The following LRMDA variants were observed in gnomAD, a reference collection of about 807,000 sequenced individuals.
LRMDA encodes the protein leucine-rich melanocyte differentiation-associated protein.
Under a neutral mutation model 29.8 loss-of-function variants are expected in LRMDA, and 18 were observed. That is an observed-to-expected ratio of 0.60 (90% confidence interval 0.42 to 0.90). The LOEUF (loss-of-function observed/expected upper bound fraction) is 0.90, where lower values mean the gene tolerates loss of function less well. LRMDA is among the 40% of genes least tolerant of loss of function. The pLI is 0.00. For synonymous variants in LRMDA, 125 were observed against 109.4 expected (o/e 1.14, Z -0.89); for missense variants, 273 against 273.9 (o/e 1.00, Z 0.02).
intron 6 of LRMDA, among the ~76,000 whole-genome samples, chr10:76,471,277 A>G (rs1253694082): frequency 3.3e-5 from 5 of 151,800 alleles, no homozygotes; most frequent in African/African-American, 1.2e-4. Context: ...ATATTTAAAT[A>G]TAATGTGTAT....
chr10:76,552,109 A>ATAAT (rs1269535166), intron 6 of LRMDA, among the ~76,000 whole-genome samples: 1 of 152,266 alleles, frequency 6.6e-6, no homozygotes, highest in African/African-American at 2.4e-5. Context: ...AACAATAGTG[A>ATAAT]TAATTATTCT....
intron 2 of LRMDA, among the ~76,000 whole-genome samples, chr10:75,818,790 A>G (rs925799373): frequency 1.3e-5 from 2 of 152,196 alleles, no homozygotes; most frequent in African/African-American, 2.4e-5. Context: ...CTTTTAAGAT[A>G]CTGGCTGCTG....
chr10:75,837,551 A>G (rs779559114), intron 2 of LRMDA, among the ~76,000 whole-genome samples: 3 of 152,192 alleles, frequency 2.0e-5, no homozygotes, highest in Non-Finnish European at 4.4e-5. Context: ...GTCTTCAACC[A>G]AGCTTAGGAC....
chr10:76,292,936 C>A (rs751776446), intron 5 of LRMDA, among the ~76,000 whole-genome samples: 1 of 152,178 alleles, frequency 6.6e-6, no homozygotes, highest in Non-Finnish European at 1.5e-5. Context: ...GCTGTGCTTG[C>A]AAATTTGCAA....
At chr10:75,775,534 T>C (rs531587676) in intron 2 of LRMDA, among the ~76,000 whole-genome samples, 11 of 152,374 alleles carry the variant, frequency 7.2e-5, no homozygotes, top group Admixed American at 2.0e-4. Flanking sequence ...GTCAACATAA[T>C]GGGTCATGAT....
rs960798421 is a variant in LRMDA at position 75,818,270 on chromosome 10, G to T, written c.132-217738G>T. Among the ~76,000 whole-genome samples, 3 of 152,124 alleles carry T rather than the reference G, an allele frequency of 2.0e-5. No homozygotes were observed. In the East Asian group the frequency reaches 5.8e-4, roughly 29 times the overall value. On this transcript the variant is annotated intron_variant, in intron 2 of 6. Coordinates refer to ENST00000611255, the MANE Select transcript of LRMDA (RefSeq NM_001305581.2). ...AGAGTTGTGGGGTCAGCCACTAGTG[G>T]TATTGCTCCCAGCCAGCTCTTGCAG...
At chr10:75,438,982 T>C (rs1390258251) in intron 2 of LRMDA, among the ~76,000 whole-genome samples, 1 of 152,206 alleles carries the variant, frequency 6.6e-6, no homozygotes, top group Non-Finnish European at 1.5e-5. Context: ...GAGCTTTAAA[T>C]ATTTGTGATG....
At chr10:76,395,340 T>C (rs1369504689) in intron 6 of LRMDA, among the ~76,000 whole-genome samples, 2 of 152,232 alleles carry the variant, frequency 1.3e-5, no homozygotes, top group African/African-American at 4.8e-5. Context: ...CATCTTTGGA[T>C]TCATAGCCCA....
chr10:76,505,736 C>A (rs1047558889), intron 6 of LRMDA, among the ~76,000 whole-genome samples: 3 of 152,080 alleles, frequency 2.0e-5, no homozygotes, highest in African/African-American at 4.8e-5. Context: ...TCCTTGCCAT[C>A]CACAATGAAT....
At chr10:75,857,666 A>T (rs1844851087) in intron 2 of LRMDA, among the ~76,000 whole-genome samples, 1 of 152,244 alleles carries the variant, frequency 6.6e-6, no homozygotes. Flanking sequence ...GGGGATAGAG[A>T]TCATAGAATT....
In LRMDA at chr10:76,338,185, C is replaced by T. The variant is rs575190381; in HGVS notation, c.601+13700C>T. ...GCAAGATCACAGCCCAAAACAAATG[C>T]AACAGAGTTTCAAAATGCAGAACCA... On this transcript the variant is annotated intron_variant, in intron 6 of 6. Transcript: ENST00000611255. 5.9e-5 allele frequency among the ~76,000 whole-genome samples: 9 copies of T among 151,782 alleles called. No homozygotes were observed. The South Asian group carries it at 1.9e-3, about 32-fold the overall frequency.
At chr10:76,279,628 C>T (rs1168963457) in intron 5 of LRMDA, among the ~76,000 whole-genome samples, 4 of 149,476 alleles carry the variant, frequency 2.7e-5, no homozygotes, top group African/African-American at 1.0e-4. Flanking sequence ...TCACTGCAAC[C>T]GCTGCCTCCC....
At chr10:76,008,210 G>C (rs1847707997) in intron 2 of LRMDA, among the ~76,000 whole-genome samples, 1 of 152,150 alleles carries the variant, frequency 6.6e-6, no homozygotes, top group Non-Finnish European at 1.5e-5. Context: ...CTGTCAAAAT[G>C]GTTCTTTCAG....
At chr10:75,541,866 G>C (rs1478953349) in intron 2 of LRMDA, among the ~76,000 whole-genome samples, 2 of 152,084 alleles carry the variant, frequency 1.3e-5, no homozygotes, top group African/African-American at 4.8e-5. Context: ...ATACTCTGAG[G>C]GGGACATGTC....
intron 5 of LRMDA, among the ~76,000 whole-genome samples, chr10:76,132,505 A>C (rs1403233183): frequency 6.6e-6 from 1 of 152,204 alleles, no homozygotes; most frequent in Non-Finnish European, 1.5e-5. Flanking sequence ...GTTCAGGGTC[A>C]CATTGGAGTT....
chr10:75,799,966 T>C (rs1214169693), intron 2 of LRMDA, among the ~76,000 whole-genome samples: 1 of 152,214 alleles, frequency 6.6e-6, no homozygotes, highest in Non-Finnish European at 1.5e-5. Context: ...AATTCTGTTA[T>C]TTTGTTTTAA....
rs537324733 is a variant in LRMDA at position 75,984,054 on chromosome 10, C to T, written c.132-51954C>T. Among the ~76,000 whole-genome samples, 8 of 152,218 alleles carry T rather than the reference C, an allele frequency of 5.3e-5. No individual in the cohort carries two copies. In the East Asian group the frequency reaches 1.4e-3, roughly 26 times the overall value. On this transcript the variant is annotated intron_variant, in intron 2 of 6. Transcript: ENST00000611255. Reference sequence around the variant, plus strand: ...GCAGCTCTAGGGCAGGGGGAGTGAACAGGGAAGGAACTAGCCGTGCACCAC... The same window carrying T: ...GCAGCTCTAGGGCAGGGGGAGTGAATAGGGAAGGAACTAGCCGTGCACCAC...
intron 2 of LRMDA, among the ~76,000 whole-genome samples, chr10:75,640,062 A>G (rs1202441291): frequency 6.6e-6 from 1 of 152,222 alleles, no homozygotes; most frequent in Non-Finnish European, 1.5e-5. Flanking sequence ...GTGAAGATGA[A>G]AGATAGGCAG....
In LRMDA at chr10:76,080,991, AACAG is replaced by A. The variant is rs775557368; in HGVS notation, c.516+22213_516+22216del. On this transcript the variant is annotated intron_variant, in intron 5 of 6. Transcript: ENST00000611255. ...AGCCCTTGGTGGGAAGCACGGCTGT[AACAG>A]ACAGTTTGTGTTCAGCGCTTTCACT... is the stretch of plus-strand genomic sequence containing the variant. Among the ~76,000 whole-genome samples, 8 of 152,334 alleles carry A rather than the reference AACAG, an allele frequency of 5.3e-5. No homozygotes were observed. The East Asian group carries it at 1.4e-3, about 26-fold the overall frequency.
Sources: allele counts gnomAD v4.1 joint callset (sites outside exome capture counted in the v4.1 genomes callset), GRCh38; gene constraint gnomAD v4.1.1; transcripts MANE v1.5; gene names NCBI Gene and HGNC (gene_info 2026-07-23, HGNC 2026-07-21).